NEO1: variants seen among roughly 807,000 people sequenced by gnomAD.
NEO1 encodes the protein neogenin.
A neutral mutation model predicts 159.7 loss-of-function variants in NEO1; 63 were observed. That is an observed-to-expected ratio of 0.39 (90% CI 0.32 to 0.49). The LOEUF is 0.49. Among genes scored for constraint, NEO1 ranks in the 20% least tolerant of loss-of-function variants. The probability of loss-of-function intolerance (pLI) is 0.85; values close to 1 mark genes in which losing one functional copy is unlikely to be tolerated. For synonymous variants in NEO1, 633 were observed against 662.0 expected, an observed-to-expected ratio of 0.96 and a Z score of 0.67; for missense variants, 1,615 against 1,831.0, an observed-to-expected ratio of 0.88 and a Z score of 2.15.
At position 73,141,324 on chromosome 15, in the gene NEO1, T is replaced by C. The variant is rs1029012365; in HGVS notation, c.1015+5297T>C. ...TAATGTAGAAAAGGTTGTAAGTTCA[T>C]TTTTCATCTGTTAAATGTTTCAGAT... On this transcript the variant is annotated intron_variant, in intron 5 of 28. Transcript: ENST00000261908. Among the ~76,000 whole-genome samples the C allele has an allele frequency of 8.9e-4, 135 of 152,338 alleles. 1 individual carries two copies. Among genetic ancestry groups the C allele is most frequent in the African/African-American group, 3.2e-3 (131 of 41,582 alleles).
At chr15:73,163,389 C>T (rs2034329603) in intron 5 of NEO1, among the ~76,000 whole-genome samples, 1 of 152,112 alleles carries the variant, frequency 6.6e-6, no homozygotes, top group Non-Finnish European at 1.5e-5. Flanking sequence ...CCATTCCCAC[C>T]CCTTTCCTCA....
At position 73,301,405 on chromosome 15, in the gene NEO1, C is replaced by T. The variant is rs369017263; in HGVS notation, c.4250C>T (p.Pro1417Leu). The change falls in exon 28 of 29, where the codon CCC becomes CTC. Residue 1417 changes from proline (P) to leucine (L), a missense_variant. Physicochemically the swap from Pro to Leu is moderately conservative, Grantham distance 98. Transcript: ENST00000261908. ...CGGCCTCCTATGCCAGTGGTTGTTCCCAGTGCCCCTGAAGTGCAGGAGACC... is the reference window on the plus strand; with the variant it reads ...CGGCCTCCTATGCCAGTGGTTGTTCTCAGTGCCCCTGAAGTGCAGGAGACC... ...RSRPPMPVVV[P>L]SAPEVQETTR... is the part of the protein sequence containing the mutation. 6.2e-6 allele frequency: 10 copies of T among 1,614,066 alleles called. No individual in the cohort carries two copies. In the African/African-American group the frequency reaches 6.7e-5, roughly 11 times the overall value.
chr15:73,159,960 C>T (rs544427341), intron 5 of NEO1, among the ~76,000 whole-genome samples: 1 of 152,184 alleles, frequency 6.6e-6, no homozygotes, highest in Non-Finnish European at 1.5e-5. Context: ...GGTTCAACAT[C>T]TTTTCTCATA....
intron 1 of NEO1, among the ~76,000 whole-genome samples, chr15:73,059,901 G>A (rs1257624193): frequency 2.0e-5 from 3 of 151,824 alleles, no homozygotes; most frequent in African/African-American, 7.2e-5. Context: ...TCTGGAGATT[G>A]ATCATACTGA....
At chr15:73,164,726 G>C (rs770117766) in intron 5 of NEO1, among the ~76,000 whole-genome samples, 5 of 152,122 alleles carry the variant, frequency 3.3e-5, no homozygotes, top group Non-Finnish European at 7.4e-5. Flanking sequence ...TATGTACAAG[G>C]ATGCATATTA....
intron 5 of NEO1, among the ~76,000 whole-genome samples, chr15:73,144,378 G>A (rs1480229633): frequency 6.6e-6 from 1 of 152,056 alleles, no homozygotes; most frequent in Non-Finnish European, 1.5e-5. Context: ...TGCCATCTCT[G>A]CTTTAAAAAC....
rs367790268 is a variant in NEO1, at chr15:73,071,758, G to A, written c.130+18953G>A. The stretch of plus-strand genomic sequence containing the variant: ...CTCAAACTTCTAGGCTCAAATGATC[G>A]GCCCACCGTGGCTTCCCAGATTGCT... On this transcript the variant is annotated intron_variant, in intron 1 of 28. Transcript: ENST00000261908. Among the ~76,000 whole-genome samples, 49 of 151,980 alleles carry A rather than the reference G, an allele frequency of 3.2e-4. 1 individual carries two copies. In the South Asian group the frequency reaches 8.1e-3, roughly 25 times the overall value.
Position 73,240,740 on chromosome 15 carries a change from C to T in NEO1, c.1452-3604C>T, listed in dbSNP as rs145865498. On this transcript the variant is annotated intron_variant, in intron 8 of 28. Coordinates refer to ENST00000261908, the MANE Select transcript of NEO1 (RefSeq NM_002499.4). ...TCGGCTTGGATGAAGATGAAAGCAG[C>T]GACTTGAAGTGGATAGGACAAATTT... is the stretch of plus-strand genomic sequence containing the variant. 1.3e-3 allele frequency among the ~76,000 whole-genome samples: 193 copies of T among 152,122 alleles called. 1 individual carries two copies. Among genetic ancestry groups the T allele is most frequent in the African/African-American group, 4.5e-3 (186 of 41,506 alleles).
At chr15:73,279,756 C>T (rs528756438) in intron 22 of NEO1, among the ~76,000 whole-genome samples, 9 of 152,156 alleles carry the variant, frequency 5.9e-5, no homozygotes, top group Admixed American at 3.3e-4. Flanking sequence ...GAAGAGGTGC[C>T]GTCTAACCCG....
At chr15:73,206,050 G>T (rs1344955599) in intron 7 of NEO1, among the ~76,000 whole-genome samples, 1 of 151,974 alleles carries the variant, frequency 6.6e-6, no homozygotes, top group Non-Finnish European at 1.5e-5. Flanking sequence ...TGGGCTACAG[G>T]CATGTGCCAC....
At chr15:73,138,152 A>G (rs1301527824) in intron 5 of NEO1, among the ~76,000 whole-genome samples, 1 of 152,194 alleles carries the variant, frequency 6.6e-6, no homozygotes, top group Non-Finnish European at 1.5e-5. Flanking sequence ...GTAACGTATA[A>G]TATCAAAGAC....
intron 2 of NEO1, among the ~76,000 whole-genome samples, chr15:73,118,961 T>C (rs940180923): frequency 1.3e-5 from 2 of 152,104 alleles, no homozygotes; most frequent in African/African-American, 4.8e-5. Flanking sequence ...TAAAACAGAT[T>C]ACTGGAATTG....
intron 1 of NEO1, among the ~76,000 whole-genome samples, chr15:73,114,534 T>TA (rs1295330303): frequency 6.6e-6 from 1 of 152,212 alleles, no homozygotes; most frequent in African/African-American, 2.4e-5. Flanking sequence ...AATTCACTCT[T>TA]ACTTTTTCAA....
At chr15:73,101,857 T>A (rs1051643203) in intron 1 of NEO1, among the ~76,000 whole-genome samples, 15 of 152,280 alleles carry the variant, frequency 9.9e-5, no homozygotes, top group African/African-American at 3.1e-4. Context: ...CATGCTCAAG[T>A]CTCTCCTCTA....
intron 7 of NEO1, among the ~76,000 whole-genome samples, chr15:73,230,166 A>G (rs987911195): frequency 2.0e-5 from 3 of 152,170 alleles, no homozygotes; most frequent in African/African-American, 7.2e-5. Context: ...CAGTAAAGCC[A>G]TTTGGACTTA....
chr15:73,257,149 A>G (rs1218835113), intron 13 of NEO1, among the ~76,000 whole-genome samples: 2 of 145,162 alleles, frequency 1.4e-5, no homozygotes, highest in African/African-American at 5.3e-5. Context: ...AAAAAAAAAA[A>G]AAAAGTTTCA....
At chr15:73,236,320 T>G (rs1193951531) in intron 7 of NEO1, 27 bp from the exon 8 acceptor site, 17 of 1,614,000 alleles carry the variant, frequency 1.1e-5, no homozygotes, top group Non-Finnish European at 1.4e-5. Context: ...CCCACTTCAC[T>G]GACCAGTGCC....
rs569966664 is a variant in NEO1 at position 73,174,806 on chromosome 15, G to A, written c.1016-1597G>A. The stretch of plus-strand genomic sequence containing the variant: ...ATATTTATATACATAATTCACAAAA[G>A]AATAAATACAAAAGGCTTGTCATTG... On this transcript the variant is annotated intron_variant, in intron 5 of 28. Transcript: ENST00000261908. 4.6e-5 allele frequency among the ~76,000 whole-genome samples: 7 copies of A among 152,228 alleles called. No individual in the cohort carries two copies. The East Asian group carries it at 1.4e-3, about 29-fold the overall frequency.
chr15:73,267,504 A>G (rs1330648290), intron 16 of NEO1, among the ~76,000 whole-genome samples: 5 of 151,080 alleles, frequency 3.3e-5, no homozygotes, highest in Non-Finnish European at 7.4e-5. Context: ...TCTTCATTTA[A>G]CATTAGGTAT....
Sources: allele counts gnomAD v4.1 joint callset (sites outside exome capture counted in the v4.1 genomes callset), GRCh38; gene constraint gnomAD v4.1.1; transcripts MANE v1.5; gene names NCBI Gene and HGNC (gene_info 2026-07-23, HGNC 2026-07-21).